The following KCNJ16 variants were observed in gnomAD, a reference collection of about 807,000 sequenced individuals.
KCNJ16 encodes potassium inwardly rectifying channel subfamily J member 16, also known as inward rectifier potassium channel 16.
Under a neutral mutation model 18.5 loss-of-function variants are expected in KCNJ16, and 15 were observed. That is an observed-to-expected ratio of 0.81 (90% CI 0.54 to 1.25). The LOEUF (loss-of-function observed/expected upper bound fraction) is 1.25. Ranked by LOEUF, KCNJ16 falls within the 50% of genes most tolerant of loss-of-function variation. KCNJ16 has a pLI of 0.00. For missense variants in KCNJ16, 523 were observed against 525.7 expected (o/e 0.99, Z 0.05); for synonymous variants, 174 against 186.5 (o/e 0.93, Z 0.55).
intron 1 of KCNJ16, among the ~76,000 whole-genome samples, chr17:70,083,376 T>C (rs923341606): frequency 2.0e-5 from 3 of 151,734 alleles, no homozygotes; most frequent in African/African-American, 7.3e-5. Context: ...TATACATACA[T>C]ATACACATAT....
In KCNJ16 at chr17:70,132,584, G is replaced by C. The variant is rs1344686576; in HGVS notation, c.497G>C (p.Gly166Ala). ...LSCIINTFII[G>A]AALAKMATAR... ...TGCATCATAAATACCTTTATCATTG[G>C]AGCTGCCTTGGCCAAAATGGCAACT... is the stretch of plus-strand genomic sequence containing the variant. The change falls in exon 4 of 4, where the codon GGA becomes GCA. Residue 166 changes from glycine to alanine, a missense_variant. Coordinates refer to ENST00000392671, the MANE Select transcript of KCNJ16 (RefSeq NM_170741.4). 17 of 1,614,158 alleles carry C rather than the reference G, an allele frequency of 1.1e-5. No homozygotes were observed. The highest frequency in any genetic ancestry group is 1.3e-5 in the Non-Finnish European group (15 of 1,180,038).
chr17:70,114,620 G>A (rs896103544), intron 2 of KCNJ16, among the ~76,000 whole-genome samples: 6 of 152,126 alleles, frequency 3.9e-5, no homozygotes, highest in East Asian at 1.9e-4. Context: ...CAGGTAACTA[G>A]TACAAAATGA....
intron 2 of KCNJ16, among the ~76,000 whole-genome samples, chr17:70,125,432 C>G (rs2073818615): frequency 6.6e-6 from 1 of 152,142 alleles, no homozygotes; most frequent in African/African-American, 2.4e-5. Flanking sequence ...GAACCACAGG[C>G]TCTCTGCCAG....
intron 1 of KCNJ16, among the ~76,000 whole-genome samples, chr17:70,098,193 G>A (rs536099949): frequency 5.3e-5 from 8 of 152,092 alleles, no homozygotes; most frequent in Non-Finnish European, 7.4e-5. Flanking sequence ...TTGTCTCAAC[G>A]AGTTTGGTTC....
chr17:70,119,502 G>A (rs1382440262), intron 2 of KCNJ16, among the ~76,000 whole-genome samples: 2 of 152,216 alleles, frequency 1.3e-5, no homozygotes, highest in Non-Finnish European at 2.9e-5. Flanking sequence ...CTGAAATCAA[G>A]TAAGAGGCTA....
chr17:70,088,324 C>T (rs966286764), intron 1 of KCNJ16, among the ~76,000 whole-genome samples: 1 of 152,188 alleles, frequency 6.6e-6, no homozygotes, highest in South Asian at 2.1e-4. Context: ...ATGTGCAGTT[C>T]ACAATAGGAT....
intron 2 of KCNJ16, among the ~76,000 whole-genome samples, chr17:70,107,768 GGAAA>G (rs1021552509): frequency 1.4e-4 from 22 of 152,040 alleles, no homozygotes; most frequent in African/African-American, 5.1e-4. Flanking sequence ...CAATCTTCTT[GGAAA>G]GACTTTCACC....
chr17:70,095,879 T>C (rs1280815953), intron 1 of KCNJ16, among the ~76,000 whole-genome samples: 9 of 121,196 alleles, frequency 7.4e-5, no homozygotes, highest in African/African-American at 1.3e-4. Flanking sequence ...CCTTTTTTTT[T>C]TTTTTTTTTT....
intron 1 of KCNJ16, among the ~76,000 whole-genome samples, chr17:70,078,672 C>T (rs1408235368): frequency 6.6e-6 from 1 of 152,070 alleles, no homozygotes; most frequent in Non-Finnish European, 1.5e-5. Context: ...ACCACTGTAC[C>T]GGACAGTCTG....
chr17:70,075,919 G>A (rs1279155036), intron 1 of KCNJ16, among the ~76,000 whole-genome samples: 3 of 151,694 alleles, frequency 2.0e-5, no homozygotes, highest in Non-Finnish European at 4.4e-5. Context: ...AACATAAATT[G>A]AAAGTGAAGA....
At chr17:70,105,101 T>G (rs2072856953) in intron 2 of KCNJ16, 2 of 152,446 alleles carry the variant, frequency 1.3e-5, no homozygotes, top group African/African-American at 4.8e-5. Flanking sequence ...GGATTAAAAG[T>G]GTTCCAAGCT....
Position 70,133,475 on chromosome 17 carries a change from TA to T in KCNJ16, c.*134del. On this transcript the variant is annotated 3_prime_UTR_variant, in exon 4 of 4. Coordinates refer to ENST00000392671, the MANE Select transcript of KCNJ16 (RefSeq NM_170741.4). ...ATGATGCTGGGTAAGTAGAGTAAGT[TA>T]AACTTGGTAAAAGATAATCTAAAAA... 1.4e-6 allele frequency: 1 copy of T among 702,242 alleles called. No homozygotes were observed. The allele number at this position is 702,242 out of a possible 1,614,324, so 43.5% of individuals were successfully genotyped here.
chr17:70,077,553 T>C (rs1383303585), intron 1 of KCNJ16, among the ~76,000 whole-genome samples: 1 of 152,314 alleles, frequency 6.6e-6, no homozygotes, highest in East Asian at 1.9e-4. Context: ...AGGCCCTCTG[T>C]AGCTCAAACC....
rs1197292568 is a variant in KCNJ16 at position 70,133,023 on chromosome 17, T to C, written c.936T>C (p.Asp312=). ...REILWGHRFN[D]VLEVKRKYYK... Reference sequence around the variant, plus strand: ...TTCTCTGGGGCCATAGGTTTAATGATGTCTTGGAAGTTAAGAGGAAGTATT... The same window carrying C: ...TTCTCTGGGGCCATAGGTTTAATGACGTCTTGGAAGTTAAGAGGAAGTATT... The change falls in exon 4 of 4, where the codon GAT becomes GAC. Residue 312 remains aspartate (D), a synonymous_variant. Transcript: ENST00000392671. 8.1e-6 allele frequency: 13 copies of C among 1,614,122 alleles called. No homozygotes were observed. Among genetic ancestry groups the C allele is most frequent in the Non-Finnish European group, 1.1e-5 (13 of 1,180,006 alleles).
At chr17:70,094,739 C>T (rs577918030) in intron 1 of KCNJ16, among the ~76,000 whole-genome samples, 12 of 152,100 alleles carry the variant, frequency 7.9e-5, no homozygotes, top group African/African-American at 1.2e-4. Flanking sequence ...CAATTTAGGA[C>T]GCTACATAGA....
intron 2 of KCNJ16, chr17:70,128,612 T>C (rs2144246476): frequency 6.6e-6 from 1 of 152,388 alleles, no homozygotes; most frequent in South Asian, 2.1e-4. Context: ...TTACTACCTT[T>C]GTCATTATTA....
intron 2 of KCNJ16, among the ~76,000 whole-genome samples, chr17:70,108,916 C>A (rs1302293644): frequency 6.6e-6 from 1 of 152,058 alleles, no homozygotes. Flanking sequence ...GAGCTGAGGG[C>A]ATTTGATTCC....
chr17:70,089,329 G>A (rs534752724), intron 1 of KCNJ16, among the ~76,000 whole-genome samples: 8 of 152,238 alleles, frequency 5.3e-5, no homozygotes, highest in Admixed American at 3.3e-4. Flanking sequence ...AGTTGGCCCC[G>A]TAAGTTTTTA....
intron 1 of KCNJ16, among the ~76,000 whole-genome samples, chr17:70,089,697 C>A (rs1200804230): frequency 6.6e-6 from 1 of 152,194 alleles, no homozygotes; most frequent in African/African-American, 2.4e-5. Context: ...ACTAGACTTA[C>A]AACCGCAAGT....
Sources: allele counts gnomAD v4.1 joint callset (sites outside exome capture counted in the v4.1 genomes callset), GRCh38; gene constraint gnomAD v4.1.1; transcripts MANE v1.5; gene names NCBI Gene and HGNC (gene_info 2026-07-23, HGNC 2026-07-21).